Variants in TENM2 observed in about 807,000 individuals in gnomAD.
TENM2 encodes teneurin-2.
TENM2 carries 52 observed loss-of-function variants against 245.2 expected under a neutral mutation model. The ratio of observed to expected loss-of-function variants is 0.21; its 90% CI spans 0.17 to 0.27. The LOEUF (loss-of-function observed/expected upper bound fraction) is 0.27. Ranked by LOEUF, TENM2 falls within the 10% of genes least tolerant of loss-of-function variation. The probability of loss-of-function intolerance (pLI) is 1.00; values close to 1 mark genes in which losing one functional copy is unlikely to be tolerated. For missense variants in TENM2, 3,046 were observed against 3,666.8 expected (o/e 0.83, Z 4.37); for synonymous variants, 1,363 against 1,438.9 (o/e 0.95, Z 1.19).
the TENM2 span, among the ~76,000 whole-genome samples, chr5:167,147,977 A>G: frequency 1.7e-4 from 26 of 152,272 alleles, no homozygotes; most frequent in African/African-American, 6.0e-4. Flanking sequence ...CAGAATGAGG[A>G]TGTATGAAAA....
intron 3 of TENM2, among the ~76,000 whole-genome samples, chr5:167,928,150 G>A (rs1777904619): frequency 6.6e-6 from 1 of 152,020 alleles, no homozygotes; most frequent in African/African-American, 2.4e-5. Context: ...AATAACAATG[G>A]TAAGACAAAT....
At chr5:168,187,597 T>C (rs1442901657) in intron 13 of TENM2, 1 of 152,242 alleles carries the variant, frequency 6.6e-6, no homozygotes, top group African/African-American at 2.4e-5. Flanking sequence ...CAGCAGGTTA[T>C]TTTTTAAATC....
intron 12 of TENM2, among the ~76,000 whole-genome samples, chr5:168,140,244 C>T (rs940298063): frequency 6.6e-6 from 1 of 152,230 alleles, no homozygotes; most frequent in Non-Finnish European, 1.5e-5. Flanking sequence ...CACAGCAAGC[C>T]TGTGAAGCAG....
chr5:168,203,595 G>T, intron 17 of TENM2, 94 bp from the exon 20 acceptor site: 1 of 1,309,628 alleles, frequency 7.6e-7, no homozygotes. Flanking sequence ...GTATTACTGC[G>T]AACACGTGCT....
chr5:168,058,093 G>A (rs1581182939), intron 6 of TENM2, among the ~76,000 whole-genome samples: 2 of 152,190 alleles, frequency 1.3e-5, no homozygotes. Flanking sequence ...ATTACATAAT[G>A]AGCGGAGTTG....
chr5:167,825,653 C>T (rs1484173135), intron 2 of TENM2, among the ~76,000 whole-genome samples: 1 of 152,160 alleles, frequency 6.6e-6, no homozygotes, highest in East Asian at 1.9e-4. Flanking sequence ...ACGGGCTCTG[C>T]AGTCCCAAAT....
intron 2 of TENM2, among the ~76,000 whole-genome samples, chr5:167,764,243 A>C (rs564457911): frequency 6.6e-6 from 1 of 152,234 alleles, no homozygotes; most frequent in African/African-American, 2.4e-5. Flanking sequence ...TTTATGTCCT[A>C]GTCCAATTTG....
the TENM2 span, among the ~76,000 whole-genome samples, chr5:167,236,507 G>C: frequency 6.6e-6 from 1 of 152,182 alleles, no homozygotes; most frequent in South Asian, 2.1e-4. Context: ...AGTGTTCTCA[G>C]GCAACTTGGA....
chr5:167,273,008 GCA>G, the TENM2 span, among the ~76,000 whole-genome samples: 269 of 151,680 alleles, frequency 1.8e-3, 3 homozygotes, highest in South Asian at 0.025. Context: ...ATATACAATA[GCA>G]CACACACACA....
At chr5:167,885,732 A>G (rs937706047) in intron 3 of TENM2, among the ~76,000 whole-genome samples, 2 of 152,152 alleles carry the variant, frequency 1.3e-5, no homozygotes, top group African/African-American at 2.4e-5. Flanking sequence ...TGGCCAGGCT[A>G]GAGTGCAATG....
chr5:167,802,902 C>A (rs1757582052), intron 2 of TENM2, among the ~76,000 whole-genome samples: 1 of 152,118 alleles, frequency 6.6e-6, no homozygotes, highest in Admixed American at 6.5e-5. Context: ...TCCTAAGATG[C>A]CAAATCTTAA....
chr5:167,718,822 A>G (rs1759435720), intron 2 of TENM2, among the ~76,000 whole-genome samples: 1 of 151,928 alleles, frequency 6.6e-6, no homozygotes, highest in Non-Finnish European at 1.5e-5. Context: ...GATCTCTGAC[A>G]TATCATTTAA....
At chr5:167,272,555 G>C in the TENM2 span, among the ~76,000 whole-genome samples, 83 of 152,168 alleles carry the variant, frequency 5.5e-4, no homozygotes, top group African/African-American at 2.0e-3. Flanking sequence ...TTTAACATTA[G>C]CTCAAATTAA....
intron 2 of TENM2, among the ~76,000 whole-genome samples, chr5:167,462,061 G>A (rs979419052): frequency 2.0e-5 from 3 of 151,932 alleles, no homozygotes; most frequent in Admixed American, 6.6e-5. Flanking sequence ...CCAATTGATT[G>A]ATCAGTTTTA....
chr5:167,293,454 A>C (rs1754770763), intron 1 of TENM2, among the ~76,000 whole-genome samples: 1 of 139,072 alleles, frequency 7.2e-6, no homozygotes, highest in Admixed American at 8.3e-5. Flanking sequence ...TCCTGATCTT[A>C]GGTGATCCAC....
At chr5:166,989,850 T>C in the TENM2 span, among the ~76,000 whole-genome samples, 1 of 149,848 alleles carries the variant, frequency 6.7e-6, no homozygotes, top group Non-Finnish European at 1.5e-5. Flanking sequence ...TTCTAGATGA[T>C]AACGGTATTA....
At chr5:168,025,473 A>G (rs1337687650) in intron 5 of TENM2, among the ~76,000 whole-genome samples, 2 of 152,222 alleles carry the variant, frequency 1.3e-5, no homozygotes, top group Non-Finnish European at 2.9e-5. Flanking sequence ...TGTTGACAAT[A>G]GACATTAATA....
the TENM2 span, among the ~76,000 whole-genome samples, chr5:167,275,204 A>G: frequency 2.6e-5 from 4 of 152,046 alleles, no homozygotes; most frequent in South Asian, 8.3e-4. Context: ...TGGGTTCTCT[A>G]TTGTATCCAT....
the TENM2 span, among the ~76,000 whole-genome samples, chr5:167,063,823 T>G: frequency 6.6e-6 from 1 of 152,196 alleles, no homozygotes; most frequent in Non-Finnish European, 1.5e-5. Context: ...GCTAGAAAGT[T>G]TACAAATTGA....
Sources: gnomAD v4.1 joint callset for allele counts (sites outside exome capture counted in the v4.1 genomes callset) on GRCh38, gnomAD v4.1.1 for gene constraint, MANE v1.5 for transcripts, NCBI Gene and HGNC (gene_info 2026-07-23, HGNC 2026-07-21) for gene names.